Variants in SLC4A10 observed in about 807,000 individuals in gnomAD.
The protein encoded by SLC4A10 is solute carrier family 4 member 10, also known as sodium-driven chloride bicarbonate exchanger.
SLC4A10 carries 42 observed loss-of-function variants against 137.7 expected under a neutral mutation model. The ratio of observed to expected loss-of-function variants is 0.30; its 90% CI spans 0.24 to 0.39. The LOEUF (loss-of-function observed/expected upper bound fraction) is 0.39, where lower values mean the gene tolerates loss of function less well. SLC4A10 is among the 10% of genes least tolerant of loss of function. The pLI is 1.00. For missense variants in SLC4A10, 925 were observed against 1,355.0 expected, an observed-to-expected ratio of 0.68 and a Z score of 4.98; for synonymous variants, 474 against 464.1, an observed-to-expected ratio of 1.02 and a Z score of -0.27.
At chr2:161,788,018 C>T (rs1315006764) in intron 2 of SLC4A10, among the ~76,000 whole-genome samples, 1 of 152,104 alleles carries the variant, frequency 6.6e-6, no homozygotes, top group African/African-American at 2.4e-5. Flanking sequence ...CCTTCCCATG[C>T]GAAGGAGTTG....
At chr2:161,954,719 A>T (rs1273831568) in intron 19 of SLC4A10, among the ~76,000 whole-genome samples, 1 of 152,200 alleles carries the variant, frequency 6.6e-6, no homozygotes, top group African/African-American at 2.4e-5. Context: ...TAATTAGGGG[A>T]AATTATATTT....
At chr2:161,787,611 T>G (rs921083939) in intron 2 of SLC4A10, among the ~76,000 whole-genome samples, 7 of 152,170 alleles carry the variant, frequency 4.6e-5, no homozygotes, top group Admixed American at 1.3e-4. Flanking sequence ...ATTTTGTTTA[T>G]TTTTAAAATG....
intron 1 of SLC4A10, among the ~76,000 whole-genome samples, chr2:161,679,177 A>C (rs2040578596): frequency 6.6e-6 from 1 of 152,122 alleles, no homozygotes. Context: ...TATTTTATGT[A>C]CAGGGGAAAT....
chr2:161,647,853 G>C (rs1202571771), intron 1 of SLC4A10, among the ~76,000 whole-genome samples: 1 of 152,174 alleles, frequency 6.6e-6, no homozygotes, highest in East Asian at 1.9e-4. Context: ...AATTGGATTA[G>C]AGGAGAAGGT....
At chr2:161,786,585 C>A (rs1004969399) in intron 2 of SLC4A10, among the ~76,000 whole-genome samples, 1 of 149,778 alleles carries the variant, frequency 6.7e-6, no homozygotes, top group African/African-American at 2.5e-5. Flanking sequence ...AGAGTATACT[C>A]TTTTCTGTTC....
chr2:161,965,281 A>G, intron 23 of SLC4A10, 108 bp downstream of exon 23: 2 of 1,147,998 alleles, frequency 1.7e-6, no homozygotes, highest in Non-Finnish European at 1.2e-6. Context: ...GTCTTTAGAC[A>G]GTGATCACTA....
chr2:161,778,997 G>A (rs1484266218), intron 2 of SLC4A10, among the ~76,000 whole-genome samples: 1 of 151,882 alleles, frequency 6.6e-6, no homozygotes, highest in South Asian at 2.1e-4. Context: ...AAGAAAAGAA[G>A]TTTATTTAGG....
At chr2:161,936,634 C>G (rs1691635331) in intron 15 of SLC4A10, among the ~76,000 whole-genome samples, 1 of 151,794 alleles carries the variant, frequency 6.6e-6, no homozygotes, top group Non-Finnish European at 1.5e-5. Context: ...TTAATGTCTC[C>G]TCTTTCATTT....
At chr2:161,804,329 T>C in intron 2 of SLC4A10, 120 bp from the exon 3 acceptor site, 2 of 1,130,204 alleles carry the variant, frequency 1.8e-6, no homozygotes, top group Non-Finnish European at 1.2e-6. Flanking sequence ...TTATGTATCA[T>C]AAACATCAAA....
chr2:161,674,558 T>C (rs62188988), intron 1 of SLC4A10, among the ~76,000 whole-genome samples: 12,293 of 152,248 alleles, frequency 0.081, 572 homozygotes, highest in East Asian at 0.14. Context: ...AAAATGCTGT[T>C]CTAATGAAAG....
At chr2:161,901,199 G>C (rs1683036206) in intron 12 of SLC4A10, 188 bp downstream of exon 12, 1 of 578,888 alleles carries the variant, frequency 1.7e-6, no homozygotes, top group African/African-American at 1.9e-5. Context: ...AACTAAAACA[G>C]TGGATACACC....
At chr2:161,855,171 A>G in intron 5 of SLC4A10, 41 bp downstream of exon 5, 1 of 1,544,100 alleles carries the variant, frequency 6.5e-7, no homozygotes, top group African/African-American at 1.4e-5. Flanking sequence ...AGGTACAGCT[A>G]ATTTTTTGTT....
chr2:161,831,757 G>A (rs1341930895), intron 3 of SLC4A10, among the ~76,000 whole-genome samples: 4 of 152,036 alleles, frequency 2.6e-5, no homozygotes, highest in Non-Finnish European at 4.4e-5. Context: ...AAATAAAATC[G>A]GGAATATTTA....
At chr2:161,791,011 A>G (rs1320334769) in intron 2 of SLC4A10, among the ~76,000 whole-genome samples, 6 of 152,178 alleles carry the variant, frequency 3.9e-5, no homozygotes, top group Admixed American at 1.3e-4. Flanking sequence ...CCTTTACACT[A>G]TTGGTGGAAA....
chr2:161,859,674 C>G (rs891791569), intron 5 of SLC4A10, among the ~76,000 whole-genome samples: 5 of 137,388 alleles, frequency 3.6e-5, no homozygotes, highest in African/African-American at 1.4e-4. Flanking sequence ...AATCTCGGCT[C>G]ACTGCAAGCT....
chr2:161,839,844 A>G lies in SLC4A10; in HGVS notation c.333A>G (p.Glu111=). Residue 111 remains glutamate, a synonymous_variant, in exon 4 of 27, where the codon GAA becomes GAG. Transcript: ENST00000446997. ...FILGTEDDDE[E]HIPHDLFTEL... ...TTGGAACCGAGGATGATGACGAGGA[A>G]CACATTCCTCATGACCTTTTCACAG... is the stretch of plus-strand genomic sequence containing the variant. 3.1e-6 allele frequency: 5 copies of G among 1,613,958 alleles called. No individual in the cohort carries two copies. The highest frequency in any genetic ancestry group is 1.1e-5 in the South Asian group (1 of 91,082).
intron 1 of SLC4A10, among the ~76,000 whole-genome samples, chr2:161,726,009 C>T (rs1305839215): frequency 6.6e-6 from 1 of 152,128 alleles, no homozygotes. Flanking sequence ...TCTTTTAATT[C>T]AGTATTCTCA....
chr2:161,765,750 T>C (rs2050737265), intron 1 of SLC4A10, among the ~76,000 whole-genome samples: 1 of 152,050 alleles, frequency 6.6e-6, no homozygotes. Context: ...GAAATTAGGA[T>C]GCATTAATGT....
intron 2 of SLC4A10, among the ~76,000 whole-genome samples, chr2:161,780,501 A>T (rs1473710572): frequency 6.6e-6 from 1 of 152,046 alleles, no homozygotes; most frequent in Admixed American, 6.6e-5. Flanking sequence ...ACCTGCCTTA[A>T]TGAAAAGCTC....
Sources: allele counts gnomAD v4.1 joint callset (sites outside exome capture counted in the v4.1 genomes callset), GRCh38; gene constraint gnomAD v4.1.1; transcripts MANE v1.5; gene names NCBI Gene and HGNC (gene_info 2026-07-23, HGNC 2026-07-21).